Variants in NINJ2 observed in about 807,000 individuals in gnomAD.
NINJ2 encodes ninjurin-2.
NINJ2 carries 12 observed loss-of-function variants against 11.7 expected under a neutral mutation model. The ratio of observed to expected loss-of-function variants is 1.02; its 90% CI spans 0.66 to 1.66. The LOEUF (loss-of-function observed/expected upper bound fraction) is 1.66, where lower values mean the gene tolerates loss of function less well. NINJ2 is among the 40% of genes most tolerant of loss of function. The pLI is 0.00. For synonymous variants in NINJ2, 93 were observed against 76.8 expected (o/e 1.21, Z -1.10); for missense variants, 187 against 181.8 (o/e 1.03, Z -0.16).
At chr12:610,506 C>T in intron 1 of NINJ2, 1 of 1,514,550 alleles carries the variant, frequency 6.6e-7, no homozygotes. Flanking sequence ...CCCCGTGGGT[C>T]CCCACAGCGG....
chr12:637,393 G>C (rs1948365074), intron 1 of NINJ2, among the ~76,000 whole-genome samples: 1 of 150,138 alleles, frequency 6.7e-6, no homozygotes, highest in South Asian at 2.1e-4. Flanking sequence ...TGTAATCCCA[G>C]CACTTTGGGA....
At chr12:634,510 C>T (rs1032950118) in intron 1 of NINJ2, among the ~76,000 whole-genome samples, 10 of 152,022 alleles carry the variant, frequency 6.6e-5, no homozygotes, top group Admixed American at 2.6e-4. Flanking sequence ...CCGCCTGCTT[C>T]GGCCTCCTAA....
intron 1 of NINJ2, chr12:643,385 C>G: frequency 1.1e-6 from 1 of 945,570 alleles, no homozygotes; most frequent in Admixed American, 6.2e-5. Context: ...AGGAAAGGGT[C>G]GCAGCTGCAG....
intron 1 of NINJ2, among the ~76,000 whole-genome samples, chr12:572,074 G>C (rs1042438947): frequency 6.6e-6 from 1 of 152,252 alleles, no homozygotes. Flanking sequence ...TGAGCAATCC[G>C]GGCCGGGAGC....
At chr12:592,681 C>G (rs1347228610) in intron 1 of NINJ2, among the ~76,000 whole-genome samples, 1 of 151,972 alleles carries the variant, frequency 6.6e-6, no homozygotes, top group East Asian at 1.9e-4. Flanking sequence ...GCCTGGGCAC[C>G]AAAAGAAAAA....
intron 1 of NINJ2, among the ~76,000 whole-genome samples, chr12:658,625 T>C (rs1193134766): frequency 6.6e-6 from 1 of 151,968 alleles, no homozygotes; most frequent in Non-Finnish European, 1.5e-5. Context: ...AGAGGATTTT[T>C]AGGGCAGTGA....
intron 1 of NINJ2, among the ~76,000 whole-genome samples, chr12:649,580 A>C (rs1443533627): frequency 1.4e-5 from 2 of 141,150 alleles, no homozygotes; most frequent in Admixed American, 1.5e-4. Context: ...ACTCATTTGC[A>C]TATAGGCACA....
chr12:603,452 C>T (rs964947375), intron 1 of NINJ2, among the ~76,000 whole-genome samples: 2 of 152,176 alleles, frequency 1.3e-5, no homozygotes, highest in Non-Finnish European at 2.9e-5. Context: ...TCCTCTGTTA[C>T]AGTGCTTTTG....
intron 1 of NINJ2, among the ~76,000 whole-genome samples, chr12:588,614 C>T (rs1947675582): frequency 6.6e-6 from 1 of 152,148 alleles, no homozygotes; most frequent in African/African-American, 2.4e-5. Context: ...AGTAGCCTGC[C>T]TTCAGAGTGT....
chr12:623,093 C>A (rs73596297), intron 1 of NINJ2, among the ~76,000 whole-genome samples: 2,062 of 152,264 alleles, frequency 0.014, 51 homozygotes, highest in African/African-American at 0.047. Flanking sequence ...AGCATGCACT[C>A]AGGTGGAATA....
At position 636,653 on chromosome 12, in the gene NINJ2, C is replaced by T. The variant is rs377619249; in HGVS notation, c.33+26675G>A. Among the ~76,000 whole-genome samples the T allele has an allele frequency of 7.2e-4, 109 of 151,464 alleles. 1 individual carries two copies. The South Asian group carries it at 0.015, about 21-fold the overall frequency. On this transcript the variant is annotated intron_variant, in intron 1 of 3. Transcript: ENST00000305108. ...AGGCTCAATGTCACCAGTCATTAGACAAATACAAATCAAAACAAAATGAGA... is the reference window on the plus strand; with the variant it reads ...AGGCTCAATGTCACCAGTCATTAGATAAATACAAATCAAAACAAAATGAGA...
At chr12:603,628 G>C (rs1947900938) in intron 1 of NINJ2, among the ~76,000 whole-genome samples, 1 of 151,304 alleles carries the variant, frequency 6.6e-6, no homozygotes, top group African/African-American at 2.4e-5. Flanking sequence ...TGGACATCCA[G>C]TTATCCCAGC....
intron 1 of NINJ2, among the ~76,000 whole-genome samples, chr12:657,988 C>CTTTTTTTTT: frequency 1.8e-5 from 1 of 54,396 alleles, no homozygotes; most frequent in Non-Finnish European, 3.2e-5. Context: ...CCTACACAGG[C>CTTTTTTTTT]TTTTTTTTTT....
At position 650,056 on chromosome 12, in the gene NINJ2, T is replaced by C. The variant is rs568226873; in HGVS notation, c.33+13272A>G. 2.4e-4 allele frequency among the ~76,000 whole-genome samples: 36 copies of C among 150,696 alleles called. 2 individuals are homozygous for C. The South Asian group carries it at 6.9e-3, about 29-fold the overall frequency. On this transcript the variant is annotated intron_variant, in intron 1 of 3. Coordinates refer to ENST00000305108, the MANE Select transcript of NINJ2 (RefSeq NM_016533.6). ...CACAACTTCGATCATTTTCTTAGGC[T>C]GTTTCTAGAAGTGAGATTAGTAGAT...
At chr12:649,900 A>G (rs1380882031) in intron 1 of NINJ2, among the ~76,000 whole-genome samples, 1 of 152,196 alleles carries the variant, frequency 6.6e-6, no homozygotes, top group African/African-American at 2.4e-5. Flanking sequence ...TCCCTTAAGT[A>G]TTCTTCCAAA....
chr12:658,722 TATGCTA>T (rs1174521829), intron 1 of NINJ2, among the ~76,000 whole-genome samples: 19 of 150,452 alleles, frequency 1.3e-4, no homozygotes, highest in African/African-American at 4.7e-4. Context: ...TATGCTATGC[TATGCTA>T]ATGCTATGCT....
At chr12:642,256 T>A (rs61916674) in intron 1 of NINJ2, among the ~76,000 whole-genome samples, 4 of 152,186 alleles carry the variant, frequency 2.6e-5, no homozygotes, top group African/African-American at 4.8e-5. Flanking sequence ...GTAGTTTGTT[T>A]GTTTGTTTTT....
intron 1 of NINJ2, among the ~76,000 whole-genome samples, chr12:601,335 A>G: frequency 6.9e-6 from 1 of 145,804 alleles, no homozygotes; most frequent in South Asian, 2.2e-4. Context: ...TCAGGAAGTC[A>G]GGAGATCGAG....
intron 1 of NINJ2, among the ~76,000 whole-genome samples, chr12:622,031 A>T (rs1199190229): frequency 6.7e-6 from 1 of 150,334 alleles, no homozygotes; most frequent in African/African-American, 2.5e-5. Context: ...GCTGAGGTAG[A>T]GAACTGCTTG....
Sources: gnomAD v4.1 joint callset for allele counts (sites outside exome capture counted in the v4.1 genomes callset) on GRCh38, gnomAD v4.1.1 for gene constraint, MANE v1.5 for transcripts, NCBI Gene and HGNC (gene_info 2026-07-23, HGNC 2026-07-21) for gene names.